ANKRD35: variants seen among roughly 807,000 people sequenced by gnomAD.
The protein encoded by ANKRD35 is ankyrin repeat domain-containing protein 35.
Under a neutral mutation model 109.9 loss-of-function variants are expected in ANKRD35, and 102 were observed. The observed-to-expected ratio is 0.93, with a 90% CI of 0.79 to 1.09. The LOEUF is 1.09. ANKRD35 is among the 50% of genes least tolerant of loss of function. The probability of loss-of-function intolerance (pLI) is 0.00; values close to 1 mark genes in which losing one functional copy is unlikely to be tolerated. For synonymous variants in ANKRD35, 515 were observed against 512.4 expected (o/e 1.01, Z -0.07); for missense variants, 1,240 against 1,230.1 (o/e 1.01, Z -0.12).
In ANKRD35 at chr1:145,873,844, C is replaced by T. The variant is rs1256449916; in HGVS notation, c.925G>A (p.Val309Ile). 3 of 1,612,466 alleles carry T rather than the reference C, an allele frequency of 1.9e-6. No homozygotes were observed. Among genetic ancestry groups the T allele is most frequent in the African/African-American group, 1.3e-5 (1 of 74,912 alleles). The change falls in exon 10 of 14, where the codon GTT becomes ATT. Residue 309 changes from valine (V) to isoleucine (I), a missense_variant. Coordinates refer to ENST00000355594, the MANE Select transcript of ANKRD35 (RefSeq NM_144698.5). ...RWKYEEERRK[V>I]VRLEQELVQK... ...ACCAGCTCCTGCTCCAGCCGAACAA[C>T]TTTCCTCCGCTCCTCTTCATACTTC... is the stretch of plus-strand genomic sequence containing the variant.
In ANKRD35 at chr1:145,885,771, G is replaced by T; in HGVS notation, c.-13C>A. ...AGATACGCTTCATGGCCGGGGTCGG[G>T]GCCACGGGGGATGGGGACGCGCAGA... On this transcript the variant is annotated 5_prime_UTR_variant, in exon 1 of 14. Coordinates refer to ENST00000355594, the MANE Select transcript of ANKRD35 (RefSeq NM_144698.5). The T allele has an allele frequency of 6.2e-7, 1 of 1,610,890 alleles. No homozygotes were observed. Among genetic ancestry groups the T allele is most frequent in the Non-Finnish European group, 8.5e-7 (1 of 1,177,172 alleles).
At position 145,873,333 on chromosome 1, in the gene ANKRD35, A is replaced by T; in HGVS notation, c.1436T>A (p.Val479Glu). The change falls in exon 10 of 14, where the codon GTG becomes GAG. Residue 479 changes from valine (V) to glutamate (E), a missense_variant. Transcript: ENST00000355594. ...GGCTGCTGGGCCCACTGGTTCAGCCACTGTGCCTCCTGGTTCAACTCCTAG... is the reference window on the plus strand; with the variant it reads ...GGCTGCTGGGCCCACTGGTTCAGCCTCTGTGCCTCCTGGTTCAACTCCTAG... ...QVLGVEPGGT[V>E]AEPVGPAAMN... The T allele has an allele frequency of 6.2e-7, 1 of 1,614,182 alleles. No individual in the cohort carries two copies. The highest frequency in any genetic ancestry group is 8.5e-7 in the Non-Finnish European group (1 of 1,180,028).
chr1:145,882,793 C>G (rs963017830), intron 1 of ANKRD35, among the ~76,000 whole-genome samples: 2 of 152,168 alleles, frequency 1.3e-5, no homozygotes, highest in African/African-American at 2.4e-5. Context: ...AAAGGAGGCA[C>G]TAGATTACCA....
chr1:145,872,942 T>C lies in ANKRD35; in HGVS notation c.1827A>G (p.Ala609=). 1.2e-6 allele frequency: 2 copies of C among 1,611,470 alleles called. No individual in the cohort carries two copies. Among genetic ancestry groups the C allele is most frequent in the South Asian group, 1.1e-5 (1 of 90,884 alleles). Residue 609 remains alanine, a synonymous_variant, in exon 10 of 14, where the codon GCA becomes GCG. Coordinates refer to ENST00000355594, the MANE Select transcript of ANKRD35 (RefSeq NM_144698.5). ...ACATCTCCTTCTCCAGCTGTCCCTT[T>C]GCCAGGCCTCCTAGGGCCTTTTCCC... is the stretch of plus-strand genomic sequence containing the variant. ...LGGEKALGGL[A]KGQLEKEMSV... is the part of the protein sequence containing the mutation.
At chr1:145,876,271 C>T in intron 6 of ANKRD35, 25 bp from the exon 7 acceptor site, 8 of 1,598,334 alleles carry the variant, frequency 5.0e-6, no homozygotes, top group Non-Finnish European at 6.9e-6. Flanking sequence ...GGAAGAGGTT[C>T]ATGAGCAGCC....
Position 145,874,183 on chromosome 1 carries a change from A to G in ANKRD35, c.755T>C (p.Leu252Pro), listed in dbSNP as rs781849244. ...GGATGCGAGATCTGGGTGCTGGACT[A>G]GCCTCTGACCTATAAGAAAAGATAT... ...LSRRRRGGQR[L>P]VQHPDLASQA... The change falls in exon 9 of 14, where the codon CTA becomes CCA. Residue 252 changes from leucine to proline, a missense_variant. Leu to Pro is a moderately conservative substitution (Grantham distance 98). Coordinates refer to ENST00000355594, the MANE Select transcript of ANKRD35 (RefSeq NM_144698.5). 7 of 1,614,070 alleles carry G rather than the reference A, an allele frequency of 4.3e-6. No individual in the cohort carries two copies. The highest frequency in any genetic ancestry group is 5.1e-6 in the Non-Finnish European group (6 of 1,179,934).
At position 145,876,568 on chromosome 1, in the gene ANKRD35, C is replaced by T. The variant is rs1425062038; in HGVS notation, c.453+1G>A. 6.2e-7 allele frequency: 1 copy of T among 1,614,186 alleles called. No homozygotes were observed. The highest frequency in any genetic ancestry group is 8.5e-7 in the Non-Finnish European group (1 of 1,180,042). On this transcript the variant is annotated splice_donor_variant, in intron 6 of 13. Coordinates refer to ENST00000355594, the MANE Select transcript of ANKRD35 (RefSeq NM_144698.5). LOFTEE classifies it high-confidence loss of function. ...TGCCCACTTGCCCATCTGACACTCA[C>T]ATTATCCAACACGTCCAGGAAGGCT...
At chr1:145,871,209 G>C (rs1305613677) in intron 10 of ANKRD35, among the ~76,000 whole-genome samples, 2 of 124,570 alleles carry the variant, frequency 1.6e-5, no homozygotes, top group African/African-American at 6.1e-5. Flanking sequence ...TGTCACCCAG[G>C]CTGGAGTGCA....
intron 5 of ANKRD35, 74 bp from the exon 6 acceptor site, chr1:145,876,713 G>A (rs192385495): frequency 1.4e-5 from 22 of 1,607,300 alleles, no homozygotes; most frequent in Admixed American, 3.3e-5. Context: ...CATCCCCTCC[G>A]ACCATTTCAT....
At chr1:145,871,961 A>T in intron 10 of ANKRD35, 21 bp downstream of exon 10, 1 of 1,606,394 alleles carries the variant, frequency 6.2e-7, no homozygotes, top group East Asian at 2.2e-5. Context: ...AGTGCTCCCC[A>T]GGGCTACCTC....
chr1:145,867,239 C>G, intron 13 of ANKRD35, 48 bp downstream of exon 13: 1 of 1,312,272 alleles, frequency 7.6e-7, no homozygotes, highest in South Asian at 1.2e-5. Flanking sequence ...CTTTCCCAAG[C>G]CCTTTCTCCC....
chr1:145,872,725 T>C lies in ANKRD35; in HGVS notation c.2044A>G (p.Met682Val), dbSNP rs782681626. The C allele has an allele frequency of 5.6e-6, 9 of 1,613,938 alleles. No homozygotes were observed. The highest frequency in any genetic ancestry group is 1.1e-5 in the South Asian group (1 of 91,084). ...SVGLLTNELA[M>V]EKEATEKLRK... Reference sequence around the variant, plus strand: ...AGCTTCTCTGTGGCCTCCTTCTCCATGGCCAGTTCATTTGTCAGCAGCCCC... The same window carrying C: ...AGCTTCTCTGTGGCCTCCTTCTCCACGGCCAGTTCATTTGTCAGCAGCCCC... Residue 682 changes from methionine (M) to valine (V), a missense_variant, in exon 10 of 14, where the codon ATG becomes GTG. Physicochemically the swap from Met to Val is conservative, Grantham distance 21 (BLOSUM62 1). Transcript: ENST00000355594.
intron 4 of ANKRD35, among the ~76,000 whole-genome samples, chr1:145,877,491 C>T (rs150643076): frequency 2.5e-4 from 38 of 152,286 alleles, no homozygotes; most frequent in African/African-American, 8.7e-4. Flanking sequence ...CTCCATCTCC[C>T]AAAGTCTGGG....
In ANKRD35 at chr1:145,872,195, T is replaced by C. The variant is rs781965268; in HGVS notation, c.2574A>G (p.Glu858=). Reference sequence around the variant, plus strand: ...CTTCCCGGCAGGCCGTATTATACTTTTCCAACAGAGCCTTTAGCTCCTGGC... The same window carrying C: ...CTTCCCGGCAGGCCGTATTATACTTCTCCAACAGAGCCTTTAGCTCCTGGC... ...AWGQELKALL[E]KYNTACREVG... Residue 858 remains glutamate, a synonymous_variant, in exon 10 of 14, where the codon GAA becomes GAG. Coordinates refer to ENST00000355594, the MANE Select transcript of ANKRD35 (RefSeq NM_144698.5). 3 of 1,609,816 alleles carry C rather than the reference T, an allele frequency of 1.9e-6. No homozygotes were observed. The highest frequency in any genetic ancestry group is 1.3e-5 in the African/African-American group (1 of 74,694).
rs782102963 is a variant in ANKRD35, at chr1:145,872,777, G to C, written c.1992C>G (p.Val664=). The change falls in exon 10 of 14, where the codon GTC becomes GTG. Residue 664 remains valine (V), a synonymous_variant. Transcript: ENST00000355594. ...CACTCTGTCGCAACTGCTGTAGCTGGACCTGCGCCTGTGGCTTGGGCACAA... is the reference window on the plus strand; with the variant it reads ...CACTCTGTCGCAACTGCTGTAGCTGCACCTGCGCCTGTGGCTTGGGCACAA... ...REFVPKPQAQ[V]QLQQLRQSVG... 3 of 1,614,078 alleles carry C rather than the reference G, an allele frequency of 1.9e-6. No homozygotes were observed. The highest frequency in any genetic ancestry group is 1.1e-5 in the South Asian group (1 of 91,086).
At position 145,874,310 on chromosome 1, in the gene ANKRD35, G is replaced by A. The variant is rs897801857; in HGVS notation, c.746-118C>T. 16 of 1,118,012 alleles carry A rather than the reference G, an allele frequency of 1.4e-5. No homozygotes were observed. The Admixed American group carries it at 3.1e-4, about 21-fold the overall frequency. The allele number at this position is 1,118,012 out of a possible 1,614,324, so 69.3% of individuals were successfully genotyped here. A position where few individuals can be genotyped will look rare whatever the true frequency, so the allele number is the denominator to read the frequency against. ...TGGCCTCTCTGTGATCAATCTCACT[G>A]CACATCTTCCTGGTGCCAGAAGCCA... On this transcript the variant is annotated intron_variant, in intron 8 of 13. Coordinates refer to ENST00000355594, the MANE Select transcript of ANKRD35 (RefSeq NM_144698.5).
rs587760771 is a variant in ANKRD35, at chr1:145,870,983, C to T, written c.2787+999G>A. 2.0e-4 allele frequency among the ~76,000 whole-genome samples: 31 copies of T among 151,980 alleles called. No individual in the cohort carries two copies. The South Asian group carries it at 4.8e-3, about 23-fold the overall frequency. On this transcript the variant is annotated intron_variant, in intron 10 of 13. Transcript: ENST00000355594. ...AAGAAGTCTGAAATCATTCATTTCACGGTTAAGTCTGGAAGTACTAAATCC... is the reference window on the plus strand; with the variant it reads ...AAGAAGTCTGAAATCATTCATTTCATGGTTAAGTCTGGAAGTACTAAATCC...
intron 10 of ANKRD35, among the ~76,000 whole-genome samples, chr1:145,869,739 G>A (rs1553738270): frequency 6.6e-6 from 1 of 152,256 alleles, no homozygotes; most frequent in African/African-American, 2.4e-5. Context: ...AAAGTGCTGG[G>A]ATTACAGGCA....
In ANKRD35 at chr1:145,874,747, T is replaced by A; in HGVS notation, c.745+75A>T. The A allele has an allele frequency of 2.1e-6, 3 of 1,449,232 alleles. No individual in the cohort carries two copies. The East Asian group carries it at 7.3e-5, about 35-fold the overall frequency. 89.8% of individuals were successfully genotyped at this position (1,449,232 alleles called of 1,614,324 possible). On this transcript the variant is annotated intron_variant, in intron 8 of 13. Coordinates refer to ENST00000355594, the MANE Select transcript of ANKRD35 (RefSeq NM_144698.5). ...ACAATTATTTGTCAGATAGATTACTTCCATGGAAACAAATGGGACTCTAAG... is the reference window on the plus strand; with the variant it reads ...ACAATTATTTGTCAGATAGATTACTACCATGGAAACAAATGGGACTCTAAG...
Sources: gnomAD v4.1 joint callset for allele counts (sites outside exome capture counted in the v4.1 genomes callset) on GRCh38, gnomAD v4.1.1 for gene constraint, MANE v1.5 for transcripts, NCBI Gene and HGNC (gene_info 2026-07-23, HGNC 2026-07-21) for gene names.